HIVEP1: variants seen among roughly 807,000 people sequenced by gnomAD.
HIVEP1 encodes zinc finger protein 40.
HIVEP1 carries 36 observed loss-of-function variants against 180.0 expected under a neutral mutation model. The ratio of observed to expected loss-of-function variants is 0.20; its 90% CI spans 0.15 to 0.26. The LOEUF is 0.26. HIVEP1 is among the 10% of genes least tolerant of loss of function. The pLI, the probability that HIVEP1 is intolerant of heterozygous loss-of-function variation, is 1.00. For missense variants in HIVEP1, 3,143 were observed against 3,268.7 expected, an observed-to-expected ratio of 0.96 and a Z score of 0.94; for synonymous variants, 1,239 against 1,239.0, an observed-to-expected ratio of 1.00 and a Z score of 0.00.
intron 2 of HIVEP1, among the ~76,000 whole-genome samples, chr6:12,055,682 T>C (rs1770823073): frequency 6.6e-6 from 1 of 152,218 alleles, no homozygotes; most frequent in Non-Finnish European, 1.5e-5. Context: ...CTGGAATTTT[T>C]TTCTAAGCTA....
downstream of HIVEP1, among the ~76,000 whole-genome samples, chr6:12,168,069 ATATGTG>A (rs1302962053): frequency 5.8e-3 from 2 of 344 alleles, no homozygotes; most frequent in Admixed American, 0.042. Context: ...ATATACATAT[ATATGTG>A]TATATATACA....
intron 7 of HIVEP1, among the ~76,000 whole-genome samples, chr6:12,150,989 C>T (rs1470133417): frequency 6.6e-6 from 1 of 152,190 alleles, no homozygotes; most frequent in Admixed American, 6.5e-5. Flanking sequence ...GGAGCCCCTC[C>T]TGCTGCTTTT....
intron 3 of HIVEP1, among the ~76,000 whole-genome samples, chr6:12,097,706 A>C (rs1194618386): frequency 6.6e-6 from 1 of 152,138 alleles, no homozygotes; most frequent in Non-Finnish European, 1.5e-5. Flanking sequence ...ATTTTGAGAA[A>C]TTTGAAAATC....
At chr6:12,195,968 A>G in the HIVEP1 span, among the ~76,000 whole-genome samples, 1 of 152,206 alleles carries the variant, frequency 6.6e-6, no homozygotes, top group South Asian at 2.1e-4. Flanking sequence ...CCATAAACAC[A>G]GGGTAAGGGG....
chr6:12,188,385 T>C, the HIVEP1 span, among the ~76,000 whole-genome samples: 30 of 152,256 alleles, frequency 2.0e-4, no homozygotes, highest in Non-Finnish European at 4.0e-4. Context: ...GATACTTTCT[T>C]AACAAACACA....
chr6:12,136,087 G>A (rs138972735), intron 7 of HIVEP1, among the ~76,000 whole-genome samples, 195 bp downstream of exon 7: 232 of 151,942 alleles, frequency 1.5e-3, no homozygotes, highest in Non-Finnish European at 1.9e-3. Context: ...TATCCCCCAC[G>A]ATGTTCATCT....
intron 7 of HIVEP1, among the ~76,000 whole-genome samples, chr6:12,154,838 G>A (rs777564795): frequency 6.6e-6 from 1 of 152,040 alleles, no homozygotes; most frequent in Non-Finnish European, 1.5e-5. Flanking sequence ...TAAAAATTGT[G>A]TGTTTATCCC....
At chr6:12,035,789 A>G (rs1305066039) in intron 2 of HIVEP1, among the ~76,000 whole-genome samples, 1 of 152,218 alleles carries the variant, frequency 6.6e-6, no homozygotes, top group Non-Finnish European at 1.5e-5. Context: ...GAAAGTAGGA[A>G]ATATAGAAAA....
At chr6:12,192,830 G>T in the HIVEP1 span, among the ~76,000 whole-genome samples, 1 of 151,428 alleles carries the variant, frequency 6.6e-6, no homozygotes, top group Non-Finnish European at 1.5e-5. Flanking sequence ...AACATTTTAA[G>T]TTCTATTTTG....
intron 7 of HIVEP1, among the ~76,000 whole-genome samples, chr6:12,156,047 T>C (rs1377527438): frequency 6.6e-6 from 1 of 152,254 alleles, no homozygotes; most frequent in Non-Finnish European, 1.5e-5. Context: ...CATGTATGTG[T>C]TCTTTTGAGA....
At chr6:12,128,314 G>A (rs1758215008) in intron 4 of HIVEP1, among the ~76,000 whole-genome samples, 1 of 152,152 alleles carries the variant, frequency 6.6e-6, no homozygotes, top group Non-Finnish European at 1.5e-5. Context: ...AGGAACATGG[G>A]CCAGCAGCTT....
intron 2 of HIVEP1, among the ~76,000 whole-genome samples, chr6:12,078,837 GT>G (rs1164581150): frequency 6.6e-6 from 1 of 151,486 alleles, no homozygotes; most frequent in Non-Finnish European, 1.5e-5. Flanking sequence ...AGTTTGTTTT[GT>G]TTTTTTTAAG....
At chr6:12,029,575 T>G (rs1768801681) in intron 2 of HIVEP1, among the ~76,000 whole-genome samples, 1 of 152,164 alleles carries the variant, frequency 6.6e-6, no homozygotes, top group African/African-American at 2.4e-5. Context: ...TCTTTTTTGT[T>G]TTTACTATAC....
chr6:12,010,564 T>C (rs1333953541), upstream of HIVEP1, among the ~76,000 whole-genome samples: 2 of 152,120 alleles, frequency 1.3e-5, no homozygotes, highest in Non-Finnish European at 2.9e-5. Flanking sequence ...TCGTTTAGCA[T>C]TTTTATTCCT....
At chr6:12,076,149 G>T (rs1317810836) in intron 2 of HIVEP1, among the ~76,000 whole-genome samples, 2 of 151,890 alleles carry the variant, frequency 1.3e-5, no homozygotes, top group Non-Finnish European at 2.9e-5. Flanking sequence ...GTCAAATATA[G>T]AAATATGCTT....
chr6:12,157,661 C>G (rs1016943132), intron 7 of HIVEP1, among the ~76,000 whole-genome samples: 1 of 151,930 alleles, frequency 6.6e-6, no homozygotes, highest in Non-Finnish European at 1.5e-5. Context: ...TCTTTTAGAG[C>G]AATTAAAAAA....
At chr6:12,079,970 A>G (rs1772667260) in intron 2 of HIVEP1, among the ~76,000 whole-genome samples, 2 of 151,762 alleles carry the variant, frequency 1.3e-5, no homozygotes, top group Admixed American at 1.3e-4. Context: ...CTATCTATCT[A>G]TCTATCTATA....
chr6:12,030,107 T>G (rs181552974), intron 2 of HIVEP1, among the ~76,000 whole-genome samples: 6 of 152,340 alleles, frequency 3.9e-5, no homozygotes, highest in African/African-American at 1.4e-4. Flanking sequence ...CTTTCTGAAC[T>G]CTGAACATCC....
intron 3 of HIVEP1, among the ~76,000 whole-genome samples, chr6:12,095,305 T>G (rs1264068792): frequency 1.3e-5 from 2 of 152,032 alleles, no homozygotes; most frequent in Admixed American, 6.5e-5. Flanking sequence ...GTTCTGTTAC[T>G]CAAATTTCTT....
Sources: gnomAD v4.1 joint callset for allele counts (sites outside exome capture counted in the v4.1 genomes callset) on GRCh38, gnomAD v4.1.1 for gene constraint, MANE v1.5 for transcripts, NCBI Gene and HGNC (gene_info 2026-07-23, HGNC 2026-07-21) for gene names.